Variants in CDH13 observed in about 807,000 individuals in gnomAD.
CDH13 encodes the protein cadherin-13.
CDH13 carries 24 observed loss-of-function variants against 63.8 expected under a neutral mutation model. That is an observed-to-expected ratio of 0.38 (90% CI 0.27 to 0.53). CDH13 has a LOEUF of 0.53. Among genes scored for constraint, CDH13 ranks in the 20% least tolerant of loss-of-function variants. CDH13 has a pLI of 0.85. For synonymous variants in CDH13, 503 were observed against 355.3 expected (o/e 1.42, Z -4.67); for missense variants, 1,049 against 903.1 (o/e 1.16, Z -2.07).
chr16:83,608,627 A>G (rs1908569933), intron 8 of CDH13, among the ~76,000 whole-genome samples: 2 of 150,708 alleles, frequency 1.3e-5, no homozygotes, highest in Admixed American at 1.3e-4. Flanking sequence ...CTGGGACTTC[A>G]GGCATACACC....
chr16:83,551,593 G>C (rs1036618074), intron 7 of CDH13, among the ~76,000 whole-genome samples: 7 of 152,048 alleles, frequency 4.6e-5, no homozygotes, highest in Middle Eastern at 6.3e-3. Flanking sequence ...CCTAATCTTT[G>C]CTCATGTATT....
At chr16:83,518,634 G>C (rs1413718196) in intron 7 of CDH13, among the ~76,000 whole-genome samples, 1 of 147,298 alleles carries the variant, frequency 6.8e-6, no homozygotes, top group Non-Finnish European at 1.5e-5. Flanking sequence ...CACTACACCC[G>C]GCTAATTTTT....
intron 4 of CDH13, among the ~76,000 whole-genome samples, chr16:83,194,364 T>G (rs1301583472): frequency 6.6e-6 from 1 of 152,162 alleles, no homozygotes; most frequent in Non-Finnish European, 1.5e-5. Context: ...GCAAAATGAC[T>G]GACTACATAG....
rs534100348 is a variant in CDH13 at position 82,694,426 on chromosome 16, T to C, written c.45+67289T>C. Among the ~76,000 whole-genome samples, 9 of 152,340 alleles carry C rather than the reference T, an allele frequency of 5.9e-5. No homozygotes were observed. In the East Asian group the frequency reaches 1.7e-3, roughly 29 times the overall value. ...TCTGTGTCAATGTGATAGACAATAT[T>C]CATATTCTTCTTGGGTAATTGCCTT... On this transcript the variant is annotated intron_variant, in intron 1 of 13. Coordinates refer to ENST00000567109, the MANE Select transcript of CDH13 (RefSeq NM_001257.5).
intron 7 of CDH13, among the ~76,000 whole-genome samples, chr16:83,505,018 G>A (rs1045637645): frequency 2.6e-5 from 4 of 152,102 alleles, no homozygotes; most frequent in African/African-American, 9.7e-5. Context: ...AGGGGTCTGA[G>A]AGCATTGATG....
chr16:83,542,016 G>A lies in CDH13; in HGVS notation c.960+55361G>A, dbSNP rs373452674. Among the ~76,000 whole-genome samples, 18 of 152,188 alleles carry A rather than the reference G, an allele frequency of 1.2e-4. No homozygotes were observed. The South Asian group carries it at 1.2e-3, about 10-fold the overall frequency. ...TTGCTATTAGTATTAATGTGTTAGC[G>A]TTGTCTGACCCTTGCTCCTTACAGT... On this transcript the variant is annotated intron_variant, in intron 7 of 13. Transcript: ENST00000567109.
chr16:83,094,406 G>T (rs965105962), intron 3 of CDH13, among the ~76,000 whole-genome samples: 4 of 152,176 alleles, frequency 2.6e-5, no homozygotes, highest in Non-Finnish European at 4.4e-5. Context: ...TTGGGCTGTG[G>T]TACGCTTACA....
chr16:83,580,448 TTCTCTCTCTCTC>T (rs55664829), intron 7 of CDH13, among the ~76,000 whole-genome samples: 2,483 of 76,242 alleles, frequency 0.033, 49 homozygotes, highest in East Asian at 0.17. Flanking sequence ...TTCTGTTCAT[TTCTCTCTCTCTC>T]TCTCTCTCTC....
chr16:83,260,251 G>T (rs1180036398), intron 5 of CDH13, among the ~76,000 whole-genome samples: 1 of 151,496 alleles, frequency 6.6e-6, no homozygotes, highest in Non-Finnish European at 1.5e-5. Context: ...CCTATAAATT[G>T]ATTTTATGAT....
chr16:82,842,091 CATATATATATATATATATATGT>C (rs1230184885), intron 1 of CDH13, among the ~76,000 whole-genome samples: 499 of 41,676 alleles, frequency 0.012, 11 homozygotes, highest in Middle Eastern at 0.037. Flanking sequence ...TTGCATTCTA[CATATATATATATATATATATGT>C]ATATATATAT....
chr16:83,041,174 T>TA (rs1235447461), intron 3 of CDH13, among the ~76,000 whole-genome samples: 7 of 152,226 alleles, frequency 4.6e-5, no homozygotes, highest in Admixed American at 4.6e-4. Context: ...ACTGGTCTCT[T>TA]AATCAAGTTG....
intron 1 of CDH13, among the ~76,000 whole-genome samples, chr16:82,848,436 TC>T (rs1290489409): frequency 1.3e-5 from 2 of 152,332 alleles, no homozygotes; most frequent in African/African-American, 4.8e-5. Flanking sequence ...GTGCTGTTTT[TC>T]CAACAGTATG....
intron 3 of CDH13, among the ~76,000 whole-genome samples, chr16:83,057,902 G>A (rs1289958873): frequency 6.6e-6 from 1 of 152,110 alleles, no homozygotes; most frequent in African/African-American, 2.4e-5. Context: ...AACATCAATG[G>A]TAAGGTTCCT....
At chr16:83,213,846 A>G (rs1382070777) in intron 4 of CDH13, among the ~76,000 whole-genome samples, 1 of 151,992 alleles carries the variant, frequency 6.6e-6, no homozygotes, top group East Asian at 1.9e-4. Context: ...TGTAGCTAGG[A>G]TTGTAAAATG....
intron 3 of CDH13, among the ~76,000 whole-genome samples, chr16:83,096,962 T>C (rs2034234548): frequency 1.3e-5 from 2 of 152,102 alleles, no homozygotes; most frequent in Admixed American, 1.3e-4. Context: ...CGGTTGAAAA[T>C]AAAAATATCT....
chr16:83,210,455 G>A (rs1183979360), intron 4 of CDH13, among the ~76,000 whole-genome samples: 1 of 152,032 alleles, frequency 6.6e-6, no homozygotes, highest in African/African-American at 2.4e-5. Flanking sequence ...ACAGGAGATG[G>A]GATAAAAGAG....
At chr16:82,785,285 C>T (rs1018036463) in intron 1 of CDH13, among the ~76,000 whole-genome samples, 5 of 152,146 alleles carry the variant, frequency 3.3e-5, no homozygotes, top group African/African-American at 1.2e-4. Flanking sequence ...GCAGGCTTGG[C>T]ACTTGGCTCA....
intron 1 of CDH13, among the ~76,000 whole-genome samples, chr16:82,832,247 A>ATTTT (rs61612946): frequency 6.6e-6 from 1 of 152,014 alleles, no homozygotes. Flanking sequence ...ACCACTGTTT[A>ATTTT]ATACTTTATA....
At chr16:83,272,431 G>A (rs1429998168) in intron 5 of CDH13, among the ~76,000 whole-genome samples, 5 of 152,328 alleles carry the variant, frequency 3.3e-5, no homozygotes, top group East Asian at 1.9e-4. Context: ...CTCACATATC[G>A]TACTGCAGTT....
Sources: allele counts gnomAD v4.1 joint callset (sites outside exome capture counted in the v4.1 genomes callset), GRCh38; gene constraint gnomAD v4.1.1; transcripts MANE v1.5; gene names NCBI Gene and HGNC (gene_info 2026-07-23, HGNC 2026-07-21).